KIAA0586: variants seen among roughly 807,000 people sequenced by gnomAD.
KIAA0586 encodes the protein protein TALPID3.
A neutral mutation model predicts 169.8 loss-of-function variants in KIAA0586; 144 were observed. That is an observed-to-expected ratio of 0.85 (90% CI 0.74 to 0.97). The LOEUF (loss-of-function observed/expected upper bound fraction) is 0.97. KIAA0586 is among the 50% of genes least tolerant of loss of function. KIAA0586 has a pLI of 0.00. For synonymous variants in KIAA0586, 625 were observed against 612.4 expected, an observed-to-expected ratio of 1.02 and a Z score of -0.30; for missense variants, 1,854 against 1,823.0, an observed-to-expected ratio of 1.02 and a Z score of -0.31.
At chr14:58,442,559 A>G in intron 4 of KIAA0586, 147 bp from the exon 5 acceptor site, 1 of 575,328 alleles carries the variant, frequency 1.7e-6, no homozygotes, top group Non-Finnish European at 3.0e-6. Context: ...ACCTTGATAA[A>G]TTTTGTTAAC....
chr14:58,508,793 A>C, intron 28 of KIAA0586, 84 bp downstream of exon 28: 1 of 1,009,980 alleles, frequency 9.9e-7, no homozygotes, highest in Non-Finnish European at 1.5e-6. Flanking sequence ...TCAAGAGCCA[A>C]GCCTCTGGAG....
intron 4 of KIAA0586, among the ~76,000 whole-genome samples, chr14:58,440,664 T>A: frequency 6.6e-6 from 1 of 152,202 alleles, no homozygotes; most frequent in East Asian, 1.9e-4. Context: ...TAAATCTAAA[T>A]GACCTAGAAT....
At chr14:58,495,359 A>C (rs910006487) in intron 26 of KIAA0586, among the ~76,000 whole-genome samples, 2 of 152,038 alleles carry the variant, frequency 1.3e-5, no homozygotes, top group African/African-American at 4.8e-5. Context: ...GCTGGAGTGC[A>C]GTGGCTCAGT....
At position 58,498,839 on chromosome 14, in the gene KIAA0586, G is replaced by A. The variant is rs61729923; in HGVS notation, c.4047G>A (p.Ala1349=). The part of the protein sequence containing the change: ...LSEGQRPQLT[A]AAENILMGHS... ...AAGGACAAAGACCCCAGCTAACAGC[G>A]GCAGCAGAGAACATCTTAATGGGAC... The change falls in exon 27 of 31, where the codon GCG becomes GCA. Residue 1349 remains alanine, a synonymous_variant. Transcript: ENST00000652326. 1,213 of 1,611,490 alleles carry A rather than the reference G, an allele frequency of 7.5e-4. 3 individuals are homozygous for A. In the African/African-American group the frequency reaches 8.6e-3, roughly 11 times the overall value.
Position 58,549,026 on chromosome 14 carries a change from A to G in KIAA0586, c.*1094A>G, listed in dbSNP as rs2047137421. 6.6e-6 allele frequency: 1 copy of G among 152,162 alleles called. No individual in the cohort carries two copies. The highest frequency in any genetic ancestry group is 1.5e-5 in the Non-Finnish European group (1 of 68,030). The allele number at this position is 152,162 out of a possible 1,614,324, so 9.4% of individuals were successfully genotyped here. ...TTGATACCATGTAAGTGCTCAATAA[A>G]TGGTGTTGTTCTTATTATCTTGAGG... On this transcript the variant is annotated 3_prime_UTR_variant, in exon 31 of 31. Coordinates refer to ENST00000652326, the MANE Select transcript of KIAA0586 (RefSeq NM_001329943.3).
intron 29 of KIAA0586, among the ~76,000 whole-genome samples, chr14:58,527,599 C>T (rs188954631): frequency 9.3e-4 from 142 of 152,224 alleles, no homozygotes; most frequent in South Asian, 3.1e-3. Context: ...TTATATACAG[C>T]CAAACTAAGC....
At chr14:58,534,984 A>G (rs1404840344) in intron 29 of KIAA0586, among the ~76,000 whole-genome samples, 1 of 152,196 alleles carries the variant, frequency 6.6e-6, no homozygotes, top group African/African-American at 2.4e-5. Context: ...GAACACTGCC[A>G]GACCCCCAAA....
chr14:58,454,916 C>T (rs1166722948), intron 9 of KIAA0586, among the ~76,000 whole-genome samples: 1 of 152,146 alleles, frequency 6.6e-6, no homozygotes, highest in South Asian at 2.1e-4. Context: ...GAATATGTCA[C>T]CTGACTGCCT....
intron 29 of KIAA0586, among the ~76,000 whole-genome samples, chr14:58,520,510 TTTGTTG>T (rs56230772): frequency 5.3e-5 from 8 of 150,472 alleles, no homozygotes; most frequent in South Asian, 2.1e-4. Flanking sequence ...TTTTTGGGGT[TTTGTTG>T]TTGTTGTTGT....
At chr14:58,506,576 C>G (rs2043959557) in intron 27 of KIAA0586, among the ~76,000 whole-genome samples, 1 of 151,524 alleles carries the variant, frequency 6.6e-6, no homozygotes, top group Non-Finnish European at 1.5e-5. Context: ...GGTCTCAGCT[C>G]CTAGGGAGGC....
Position 58,465,934 on chromosome 14 carries a change from A to G in KIAA0586, c.2159A>G (p.His720Arg). The change falls in exon 15 of 31, where the codon CAT (histidine) becomes CGT (arginine). Residue 720 changes from histidine to arginine, a missense_variant. Transcript: ENST00000652326. ...AAACATTCTGTTCCTGTGTTACCTC[A>G]TGGCGATCAGCAATATTTGTTCAGC... ...KMKHSVPVLP[H>R]GDQQYLFSPS... 6 of 1,612,110 alleles carry G rather than the reference A, an allele frequency of 3.7e-6. No homozygotes were observed. Among genetic ancestry groups the G allele is most frequent in the Non-Finnish European group, 5.1e-6 (6 of 1,178,226 alleles).
chr14:58,547,215 T>C (rs1159247802), intron 30 of KIAA0586, among the ~76,000 whole-genome samples: 1 of 151,810 alleles, frequency 6.6e-6, no homozygotes, highest in Admixed American at 6.6e-5. Context: ...GCTATTATAG[T>C]GTTTTATTGC....
At chr14:58,536,350 C>CT (rs11409195) in intron 29 of KIAA0586, among the ~76,000 whole-genome samples, 39,904 of 151,884 alleles carry the variant, frequency 0.26, 5,281 homozygotes, top group East Asian at 0.37. Flanking sequence ...TCCGTATGTC[C>CT]ATGTGTACCC....
At chr14:58,533,693 C>T (rs556477641) in intron 29 of KIAA0586, among the ~76,000 whole-genome samples, 2 of 152,308 alleles carry the variant, frequency 1.3e-5, no homozygotes, top group South Asian at 4.1e-4. Flanking sequence ...GCCTTGCTGG[C>T]AGGGCCTATA....
intron 30 of KIAA0586, among the ~76,000 whole-genome samples, chr14:58,543,221 G>A (rs555006211): frequency 9.9e-5 from 15 of 150,920 alleles, no homozygotes; most frequent in Non-Finnish European, 7.4e-5. Flanking sequence ...GAGAAGTTAC[G>A]TAACTTTTTC....
intron 2 of KIAA0586, among the ~76,000 whole-genome samples, chr14:58,429,951 G>C (rs1472903501): frequency 6.6e-6 from 1 of 152,108 alleles, no homozygotes; most frequent in Non-Finnish European, 1.5e-5. Flanking sequence ...GACTTTGACG[G>C]CTAATCATAG....
At chr14:58,545,882 A>G (rs2046950129) in intron 30 of KIAA0586, among the ~76,000 whole-genome samples, 1 of 151,618 alleles carries the variant, frequency 6.6e-6, no homozygotes, top group South Asian at 2.1e-4. Flanking sequence ...AAATTTTTAA[A>G]AATTAGCCAG....
At chr14:58,474,015 C>T (rs1225378963) in intron 18 of KIAA0586, among the ~76,000 whole-genome samples, 1 of 152,110 alleles carries the variant, frequency 6.6e-6, no homozygotes, top group Non-Finnish European at 1.5e-5. Context: ...AAGTTTTACT[C>T]AGATAGAAGG....
chr14:58,554,427 G>T (rs1265764424), downstream of KIAA0586, among the ~76,000 whole-genome samples: 3 of 152,124 alleles, frequency 2.0e-5, no homozygotes, highest in Non-Finnish European at 2.9e-5. Context: ...TGGAAAGGCG[G>T]CTTGTACCTA....
Sources: gnomAD v4.1 joint callset for allele counts (sites outside exome capture counted in the v4.1 genomes callset) on GRCh38, gnomAD v4.1.1 for gene constraint, MANE v1.5 for transcripts, NCBI Gene and HGNC (gene_info 2026-07-23, HGNC 2026-07-21) for gene names.